The following HERC2 variants were observed in gnomAD, a reference collection of about 807,000 sequenced individuals.
HERC2 encodes E3 ubiquitin-protein ligase HERC2.
In HERC2, 102 loss-of-function variants were observed where a neutral mutation model predicts 537.7. The observed-to-expected ratio is 0.19, with a 90% CI of 0.16 to 0.22. The LOEUF (loss-of-function observed/expected upper bound fraction) is 0.22, where lower values mean the gene tolerates loss of function less well. Ranked by LOEUF, HERC2 falls within the 10% of genes least tolerant of loss-of-function variation. The probability of loss-of-function intolerance (pLI) is 1.00; values close to 1 mark genes in which losing one functional copy is unlikely to be tolerated. For missense variants in HERC2, 4,236 were observed against 6,198.2 expected (o/e 0.68, Z 10.63); for synonymous variants, 2,224 against 2,466.2 (o/e 0.90, Z 2.91).
chr15:28,114,014 G>A (rs1037569699), intron 90 of HERC2, among the ~76,000 whole-genome samples: 1 of 152,150 alleles, frequency 6.6e-6, no homozygotes, highest in Non-Finnish European at 1.5e-5. Context: ...CCGAGACACT[G>A]TGCTGACCCA....
At chr15:28,184,995 C>A (rs1404611889) in intron 56 of HERC2, among the ~76,000 whole-genome samples, 1 of 149,648 alleles carries the variant, frequency 6.7e-6, no homozygotes, top group Non-Finnish European at 1.5e-5. Context: ...CAATGACTTC[C>A]TTATTTAAGT....
intron 2 of HERC2, among the ~76,000 whole-genome samples, chr15:28,315,118 T>A (rs1393998706): frequency 6.6e-6 from 1 of 152,206 alleles, no homozygotes; most frequent in Admixed American, 6.5e-5. Context: ...GCACATTCAC[T>A]AGGCACATGT....
At chr15:28,252,452 C>A (rs112772439) in intron 20 of HERC2, among the ~76,000 whole-genome samples, 3,167 of 152,276 alleles carry the variant, frequency 0.021, 99 homozygotes, top group African/African-American at 0.072. Flanking sequence ...CTTAGAAAAG[C>A]ACCTCTGGAA....
chr15:28,284,912 C>T (rs1477184916), intron 4 of HERC2, among the ~76,000 whole-genome samples: 4 of 107,310 alleles, frequency 3.7e-5, no homozygotes, highest in Non-Finnish European at 5.3e-5. Flanking sequence ...AGCGAAACTC[C>T]GTCTCGGAAA....
At chr15:28,297,646 T>C (rs1436659375) in intron 3 of HERC2, among the ~76,000 whole-genome samples, 7 of 152,202 alleles carry the variant, frequency 4.6e-5, no homozygotes, top group South Asian at 4.1e-4. Flanking sequence ...TATGGAGTTC[T>C]AGAACAGGCG....
chr15:28,195,131 G>T (rs1374298054), intron 52 of HERC2, among the ~76,000 whole-genome samples: 1 of 151,952 alleles, frequency 6.6e-6, no homozygotes, highest in South Asian at 2.1e-4. Flanking sequence ...GAGAACTAAG[G>T]TTTTTGCATT....
At chr15:28,266,612 C>A (rs1413270532) in intron 12 of HERC2, among the ~76,000 whole-genome samples, 1 of 152,158 alleles carries the variant, frequency 6.6e-6, no homozygotes, top group Non-Finnish European at 1.5e-5. Context: ...ACCCATACAC[C>A]CAACCCAACA....
intron 65 of HERC2, among the ~76,000 whole-genome samples, chr15:28,173,807 A>C (rs1894939966): frequency 6.6e-6 from 1 of 151,620 alleles, no homozygotes; most frequent in South Asian, 2.1e-4. Context: ...AAAAAAAAAA[A>C]ACCCAACCAA....
intron 85 of HERC2, among the ~76,000 whole-genome samples, chr15:28,121,966 C>A (rs1353078942): frequency 7.0e-6 from 1 of 143,560 alleles, no homozygotes; most frequent in African/African-American, 2.6e-5. Flanking sequence ...ATCGCCACTG[C>A]CTGCCATACA....
rs1596248664 is a variant in HERC2, at chr15:28,213,907, C to T, written c.6621G>A (p.Leu2207=). Residue 2207 remains leucine, a synonymous_variant, in exon 42 of 93, where the codon CTG becomes CTA. Transcript: ENST00000261609. The part of the protein sequence containing the change: ...NPEVGGLMAV[L]AVIGGIDGRL... The stretch of plus-strand genomic sequence containing the variant: ...GACCATCGATGCCTCCAATCACAGC[C>T]AGGACTGCCATGAGGCCCCCCACTT... 1 of 1,613,978 alleles carries T rather than the reference C, an allele frequency of 6.2e-7. No individual in the cohort carries two copies. The highest frequency in any genetic ancestry group is 8.5e-7 in the Non-Finnish European group (1 of 1,180,030).
At chr15:28,306,579 C>T (rs2076795781) in intron 2 of HERC2, among the ~76,000 whole-genome samples, 2 of 152,156 alleles carry the variant, frequency 1.3e-5, no homozygotes, top group Admixed American at 1.3e-4. Flanking sequence ...TAATATTGGC[C>T]TTCTACAATA....
intron 39 of HERC2, 151 bp from the exon 40 acceptor site, chr15:28,214,953 AACT>A: frequency 1.6e-6 from 1 of 633,328 alleles, no homozygotes; most frequent in Non-Finnish European, 2.7e-6. Flanking sequence ...GCTCACTACA[AACT>A]CCCACCTCCC....
chr15:28,150,551 CG>C (rs1479368120), intron 70 of HERC2, among the ~76,000 whole-genome samples: 1 of 145,490 alleles, frequency 6.9e-6, no homozygotes, highest in Non-Finnish European at 1.5e-5. Flanking sequence ...GTGAAATCAC[CG>C]AAAAAAACAC....
At chr15:28,292,697 G>A (rs1364698826) in intron 4 of HERC2, among the ~76,000 whole-genome samples, 191 bp downstream of exon 4, 1 of 152,148 alleles carries the variant, frequency 6.6e-6, no homozygotes, top group Non-Finnish European at 1.5e-5. Flanking sequence ...TATACTTCAT[G>A]CCAATGAACT....
intron 81 of HERC2, 100 bp downstream of exon 81, chr15:28,132,000 C>T: frequency 4.0e-6 from 4 of 1,008,966 alleles, no homozygotes; most frequent in Non-Finnish European, 5.7e-6. Context: ...ACACGGGGGA[C>T]AGTAATGGTG....
intron 23 of HERC2, among the ~76,000 whole-genome samples, chr15:28,244,349 C>T (rs1167061159): frequency 6.6e-6 from 1 of 152,114 alleles, no homozygotes; most frequent in Admixed American, 6.5e-5. Flanking sequence ...TCTAGTTCCA[C>T]TTATATGAAG....
chr15:28,258,302 TC>T (rs1183854671), intron 16 of HERC2, among the ~76,000 whole-genome samples: 1 of 152,092 alleles, frequency 6.6e-6, no homozygotes, highest in African/African-American at 2.4e-5. Flanking sequence ...AAACCCCATC[TC>T]TACTGAAAAT....
At chr15:28,306,012 A>G (rs2076777297) in intron 2 of HERC2, among the ~76,000 whole-genome samples, 1 of 152,194 alleles carries the variant, frequency 6.6e-6, no homozygotes, top group African/African-American at 2.4e-5. Context: ...GGCAATCATT[A>G]AAAAGTCAGG....
chr15:28,211,837 C>T (rs972903227), intron 43 of HERC2, among the ~76,000 whole-genome samples: 1 of 152,094 alleles, frequency 6.6e-6, no homozygotes, highest in Admixed American at 6.5e-5. Flanking sequence ...TCTGTGGGAG[C>T]AAGAGGGGAG....
Sources: gnomAD v4.1 joint callset for allele counts (sites outside exome capture counted in the v4.1 genomes callset) on GRCh38, gnomAD v4.1.1 for gene constraint, MANE v1.5 for transcripts, NCBI Gene and HGNC (gene_info 2026-07-23, HGNC 2026-07-21) for gene names.